TTBK2: variants seen among roughly 807,000 people sequenced by gnomAD.
TTBK2 encodes the protein tau tubulin kinase 2.
A neutral mutation model predicts 110.8 loss-of-function variants in TTBK2; 28 were observed. The observed-to-expected ratio is 0.25, with a 90% CI of 0.19 to 0.35. The LOEUF is 0.35. Ranked by LOEUF, TTBK2 falls within the 10% of genes least tolerant of loss-of-function variation. The pLI is 1.00. For missense variants in TTBK2, 1,369 were observed against 1,500.3 expected (o/e 0.91, Z 1.45); for synonymous variants, 532 against 527.3 (o/e 1.01, Z -0.12).
intron 13 of TTBK2, among the ~76,000 whole-genome samples, chr15:42,756,431 C>G (rs919466658): frequency 6.6e-6 from 1 of 151,570 alleles, no homozygotes; most frequent in Non-Finnish European, 1.5e-5. Context: ...ACTAAAAATA[C>G]AAAAATTAGC....
intron 1 of TTBK2, among the ~76,000 whole-genome samples, chr15:42,908,777 T>C (rs2030568565): frequency 6.6e-6 from 1 of 152,166 alleles, no homozygotes; most frequent in Non-Finnish European, 1.5e-5. Context: ...GTATACACCC[T>C]AGAAATACTT....
chr15:42,753,504 G>C (rs1336958315), intron 13 of TTBK2, among the ~76,000 whole-genome samples: 1 of 152,254 alleles, frequency 6.6e-6, no homozygotes, highest in Non-Finnish European at 1.5e-5. Context: ...GTATGCCCTG[G>C]AAGACTAATT....
At chr15:42,892,046 C>T (rs1195679902) in intron 1 of TTBK2, among the ~76,000 whole-genome samples, 3 of 152,206 alleles carry the variant, frequency 2.0e-5, no homozygotes, top group Non-Finnish European at 4.4e-5. Flanking sequence ...CACATTCAAA[C>T]TCACAAGGAA....
intron 7 of TTBK2, among the ~76,000 whole-genome samples, chr15:42,815,923 TA>T (rs1891938614): frequency 1.4e-5 from 1 of 73,652 alleles, no homozygotes; most frequent in African/African-American, 8.7e-5. Flanking sequence ...AATATATATA[TA>T]TTTAAAAATA....
intron 3 of TTBK2, among the ~76,000 whole-genome samples, chr15:42,857,974 T>G (rs1314222420): frequency 6.6e-6 from 1 of 152,026 alleles, no homozygotes; most frequent in South Asian, 2.1e-4. Context: ...TCCCAGCTAC[T>G]AGGGAGGCTG....
chr15:42,745,693 A>G lies in TTBK2; in HGVS notation c.*102T>C. 1 of 1,373,880 alleles carries G rather than the reference A, an allele frequency of 7.3e-7. No individual in the cohort carries two copies. Among genetic ancestry groups the G allele is most frequent in the East Asian group, 2.3e-5 (1 of 43,640 alleles). 85.1% of individuals were successfully genotyped at this position (1,373,880 alleles called of 1,614,324 possible). On this transcript the variant is annotated 3_prime_UTR_variant, in exon 15 of 15. Transcript: ENST00000267890. ...TGATCATGTTACTTTCTTTTGCAAG[A>G]GAAGATCAACACTGATTTTTTTACA...
intron 13 of TTBK2, among the ~76,000 whole-genome samples, chr15:42,770,387 T>C (rs985266151): frequency 6.6e-6 from 1 of 152,162 alleles, no homozygotes; most frequent in Non-Finnish European, 1.5e-5. Context: ...CTAACTGGGC[T>C]TTTTATTCTT....
In TTBK2 at chr15:42,751,862, A is replaced by G; in HGVS notation, c.3272+112T>C. The G allele has an allele frequency of 2.2e-6, 3 of 1,342,124 alleles. No homozygotes were observed. In the South Asian group the frequency reaches 3.6e-5, roughly 16 times the overall value. The allele number at this position is 1,342,124 out of a possible 1,614,324, so 83.1% of individuals were successfully genotyped here. A position where few individuals can be genotyped will look rare whatever the true frequency, so the allele number is the denominator to read the frequency against. ...CTGTAAGGCCTGGGAAAGGCAGGAA[A>G]GAAAGATACTGAGAAGGGGGCAACA... On this transcript the variant is annotated intron_variant, in intron 14 of 14. Transcript: ENST00000267890.
chr15:42,902,085 G>A (rs1030782531), intron 1 of TTBK2, among the ~76,000 whole-genome samples: 4 of 151,466 alleles, frequency 2.6e-5, no homozygotes, highest in Non-Finnish European at 5.9e-5. Flanking sequence ...GCGTGGTAGA[G>A]CACGTCTGTA....
intron 4 of TTBK2, among the ~76,000 whole-genome samples, chr15:42,832,676 T>C (rs1892809745): frequency 6.6e-6 from 1 of 152,150 alleles, no homozygotes; most frequent in African/African-American, 2.4e-5. Context: ...AGTTAATAAG[T>C]TTTACTTTAC....
At chr15:42,812,198 T>C (rs1891751696) in intron 7 of TTBK2, among the ~76,000 whole-genome samples, 2 of 152,204 alleles carry the variant, frequency 1.3e-5, no homozygotes, top group Admixed American at 1.3e-4. Context: ...ATAAAGGCCT[T>C]GGGCCTACAT....
chr15:42,855,473 C>A (rs138679127), intron 3 of TTBK2, among the ~76,000 whole-genome samples: 19 of 152,194 alleles, frequency 1.2e-4, no homozygotes, highest in African/African-American at 4.6e-4. Flanking sequence ...ACAAGGATGA[C>A]ATCAAAGAAT....
chr15:42,783,652 A>T lies in TTBK2; in HGVS notation c.981-17T>A, dbSNP rs761196363. On this transcript the variant is annotated splice_polypyrimidine_tract_variant and intron_variant, in intron 10 of 14. Transcript: ENST00000267890. The stretch of plus-strand genomic sequence containing the variant: ...TTGGCAATTCTACATATGAAGGGAG[A>T]AAAAAAAGGCAAGAATCAAAAATTA... 1.1e-5 allele frequency: 17 copies of T among 1,591,816 alleles called. No homozygotes were observed. The highest frequency in any genetic ancestry group is 5.0e-5 in the Admixed American group (3 of 59,894).
At chr15:42,833,599 G>A (rs922512677) in intron 4 of TTBK2, among the ~76,000 whole-genome samples, 3 of 152,098 alleles carry the variant, frequency 2.0e-5, no homozygotes, top group Non-Finnish European at 2.9e-5. Flanking sequence ...TCGGCCAGGT[G>A]TGGTGGCTCA....
intron 1 of TTBK2, among the ~76,000 whole-genome samples, chr15:42,901,873 T>A (rs921630653): frequency 5.3e-5 from 8 of 151,914 alleles, no homozygotes; most frequent in Non-Finnish European, 4.4e-5. Flanking sequence ...TCAATAAACA[T>A]GAAAAGATAG....
chr15:42,845,072 G>T (rs1893391735), intron 3 of TTBK2, among the ~76,000 whole-genome samples: 1 of 152,138 alleles, frequency 6.6e-6, no homozygotes, highest in Admixed American at 6.6e-5. Context: ...GGCTTATGAG[G>T]CTTCACATAA....
At chr15:42,781,378 C>T (rs1021006672) in intron 11 of TTBK2, among the ~76,000 whole-genome samples, 2 of 152,038 alleles carry the variant, frequency 1.3e-5, no homozygotes, top group Non-Finnish European at 2.9e-5. Context: ...AAAACTTTTG[C>T]AATACAGTAA....
At chr15:42,783,378 C>T in intron 11 of TTBK2, 41 bp downstream of exon 11, 2 of 1,594,208 alleles carry the variant, frequency 1.3e-6, no homozygotes, top group Non-Finnish European at 1.7e-6. Flanking sequence ...GCCTTCTGAA[C>T]TGTAAGAAAT....
At position 42,817,097 on chromosome 15, in the gene TTBK2, G is replaced by A; in HGVS notation, c.538C>T (p.Pro180Ser). The change falls in exon 7 of 15, where the codon CCT becomes TCT. Residue 180 changes from proline to serine, a missense_variant and splice_region_variant. Pro to Ser is a moderately conservative substitution (Grantham distance 74). Transcript: ENST00000267890. ...FTNSCGDVRP[P>S]RAVAGFRGTV... ...CCTCGAAAACCTGCCACAGCTCGAG[G>A]CTACAACGAAGCCATGCAAAGAATA... The A allele has an allele frequency of 1.2e-6, 2 of 1,605,800 alleles. No homozygotes were observed. Among genetic ancestry groups the A allele is most frequent in the Non-Finnish European group, 8.5e-7 (1 of 1,175,108 alleles).
Sources: allele counts gnomAD v4.1 joint callset (sites outside exome capture counted in the v4.1 genomes callset), GRCh38; gene constraint gnomAD v4.1.1; transcripts MANE v1.5; gene names NCBI Gene and HGNC (gene_info 2026-07-23, HGNC 2026-07-21).